The following PIEZO2 variants were observed in gnomAD, a reference collection of about 807,000 sequenced individuals.
The protein encoded by PIEZO2 is piezo-type mechanosensitive ion channel component 2.
In PIEZO2, 172 loss-of-function variants were observed where a neutral mutation model predicts 337.3. The observed-to-expected ratio is 0.51, with a 90% CI of 0.45 to 0.58. The LOEUF (loss-of-function observed/expected upper bound fraction) is 0.58. Among genes scored for constraint, PIEZO2 ranks in the 20% least tolerant of loss-of-function variants. The pLI is 0.00. For missense variants in PIEZO2, 3,028 were observed against 3,391.3 expected (o/e 0.89, Z 2.66); for synonymous variants, 1,251 against 1,228.5 (o/e 1.02, Z -0.38).
At chr18:10,971,741 C>A (rs866474603) in intron 3 of PIEZO2, among the ~76,000 whole-genome samples, 2 of 152,136 alleles carry the variant, frequency 1.3e-5, no homozygotes, top group African/African-American at 4.8e-5. Context: ...TTTATGTATC[C>A]TAATCATATC....
At chr18:10,786,948 C>G in intron 16 of PIEZO2, 88 bp downstream of exon 16, 1 of 1,268,644 alleles carries the variant, frequency 7.9e-7, no homozygotes, top group Non-Finnish European at 1.1e-6. Context: ...TGACATCATG[C>G]TTTACTAAAA....
rs181344592 is a variant in PIEZO2, at chr18:10,730,766, G to A, written c.5029+641C>T. 1.6e-3 allele frequency among the ~76,000 whole-genome samples: 241 copies of A among 152,004 alleles called. 2 individuals carry two copies. The highest frequency in any genetic ancestry group is 5.6e-3 in the African/African-American group (234 of 41,452). On this transcript the variant is annotated intron_variant, in intron 36 of 55. Coordinates refer to ENST00000674853, the MANE Select transcript of PIEZO2 (RefSeq NM_001378183.1). ...TTTTTAGACGGGGTCTCCCTCTGTC[G>A]CCCAGGCTGGAGTGCAGTGGTGCGA...
intron 3 of PIEZO2, among the ~76,000 whole-genome samples, chr18:10,927,195 T>TC (rs1333921565): frequency 2.0e-5 from 3 of 152,356 alleles, no homozygotes; most frequent in Non-Finnish European, 2.9e-5. Flanking sequence ...TTCAGATCTC[T>TC]CAGAGGTCAG....
chr18:11,050,805 A>ATATTATATATATATATATATATAT (rs1267873853), intron 2 of PIEZO2, among the ~76,000 whole-genome samples: 22 of 150,436 alleles, frequency 1.5e-4, no homozygotes, highest in Admixed American at 5.3e-4. Context: ...TATATATATA[A>ATATTATATATATATATATATATAT]AATTAATAAT....
intron 7 of PIEZO2, among the ~76,000 whole-genome samples, chr18:10,811,888 C>CAGTG (rs1165686722): frequency 6.6e-6 from 1 of 152,176 alleles, no homozygotes; most frequent in African/African-American, 2.4e-5. Context: ...GGCTGGAGTG[C>CAGTG]AGTGGTGCGA....
At chr18:10,822,801 T>C (rs1045621803) in intron 7 of PIEZO2, among the ~76,000 whole-genome samples, 1 of 152,186 alleles carries the variant, frequency 6.6e-6, no homozygotes, top group Non-Finnish European at 1.5e-5. Context: ...AAAGGGAGTA[T>C]GAACCAAAAG....
intron 49 of PIEZO2, among the ~76,000 whole-genome samples, chr18:10,686,235 A>G (rs2034540556): frequency 6.6e-6 from 1 of 152,242 alleles, no homozygotes; most frequent in Admixed American, 6.5e-5. Context: ...TGCAAAGATC[A>G]CTAGCAATCT....
chr18:10,805,604 T>C (rs1221864968), intron 8 of PIEZO2, among the ~76,000 whole-genome samples: 2 of 152,230 alleles, frequency 1.3e-5, no homozygotes, highest in African/African-American at 4.8e-5. Flanking sequence ...TGTGGAGGAA[T>C]TGGACACAAT....
chr18:11,093,268 C>A (rs560553162), intron 1 of PIEZO2, among the ~76,000 whole-genome samples: 3 of 152,218 alleles, frequency 2.0e-5, no homozygotes, highest in African/African-American at 7.2e-5. Flanking sequence ...CAAGCCAGAT[C>A]CCCAGCCAAC....
chr18:10,889,978 C>T (rs1334377827), intron 4 of PIEZO2, among the ~76,000 whole-genome samples: 3 of 152,212 alleles, frequency 2.0e-5, no homozygotes, highest in African/African-American at 4.8e-5. Flanking sequence ...TGGACCTTGG[C>T]TCCCCCAGCA....
chr18:11,124,037 C>T (rs2040110534), intron 1 of PIEZO2, among the ~76,000 whole-genome samples: 1 of 152,174 alleles, frequency 6.6e-6, no homozygotes, highest in South Asian at 2.1e-4. Context: ...ACCAAAAACA[C>T]ATACCATTTT....
chr18:10,869,484 C>T (rs934315097), intron 5 of PIEZO2, among the ~76,000 whole-genome samples: 1 of 152,110 alleles, frequency 6.6e-6, no homozygotes, highest in Admixed American at 6.6e-5. Flanking sequence ...AACAAACAAA[C>T]AAAAACTTGC....
chr18:10,856,592 A>T lies in PIEZO2; in HGVS notation c.703+409T>A, dbSNP rs1249571615. ...ATAGTCTATCCTGGAGAGTTATATT[A>T]AGGTGACTATGGACTCATGTAAGCA... is the stretch of plus-strand genomic sequence containing the variant. On this transcript the variant is annotated intron_variant, in intron 6 of 55. Transcript: ENST00000674853. The surrounding 1 kb of genome is among the most constrained non-coding windows in gnomAD (Gnocchi z 4.7). Among the ~76,000 whole-genome samples the T allele has an allele frequency of 1.3e-5, 2 of 152,218 alleles. No individual in the cohort carries two copies. Among genetic ancestry groups the T allele is most frequent in the Non-Finnish European group, 2.9e-5 (2 of 68,040 alleles).
intron 8 of PIEZO2, among the ~76,000 whole-genome samples, chr18:10,804,970 T>C (rs1254813749): frequency 6.6e-6 from 1 of 152,192 alleles, no homozygotes; most frequent in East Asian, 1.9e-4. Flanking sequence ...TCGTGATTTA[T>C]AACATTGCTG....
intron 1 of PIEZO2, among the ~76,000 whole-genome samples, chr18:11,081,480 A>G (rs147846843): frequency 0.014 from 2,181 of 152,296 alleles, 50 homozygotes; most frequent in African/African-American, 0.049. Flanking sequence ...TAAACCATGT[A>G]TAATTTTTTT....
At chr18:10,702,797 C>G (rs1324583017) in intron 42 of PIEZO2, among the ~76,000 whole-genome samples, 1 of 152,208 alleles carries the variant, frequency 6.6e-6, no homozygotes, top group African/African-American at 2.4e-5. Context: ...CCACTTACTT[C>G]AGTCCTCAGT....
chr18:10,699,265 T>C lies in PIEZO2; in HGVS notation c.6442-88A>G, dbSNP rs953109653. ...TCTTACAAAATCTCATCCAACAAAC[T>C]GTCCTTCAAGATTAGAAAAGCAAGA... is the stretch of plus-strand genomic sequence containing the variant. On this transcript the variant is annotated intron_variant, in intron 43 of 55. Transcript: ENST00000674853. 4.0e-6 allele frequency: 6 copies of C among 1,487,386 alleles called. No individual in the cohort carries two copies. The African/African-American group carries it at 5.6e-5, about 14-fold the overall frequency. The allele number at this position is 1,487,386 out of a possible 1,614,324, so 92.1% of individuals were successfully genotyped here.
chr18:10,725,414 C>T, intron 36 of PIEZO2: 1 of 1,602,942 alleles, frequency 6.2e-7, no homozygotes. Flanking sequence ...TCAACCTGAC[C>T]AGAGCCCGCC....
chr18:10,759,846 C>T lies in PIEZO2; in HGVS notation c.3514G>A (p.Ala1172Thr), dbSNP rs1441492033. 12 of 1,537,352 alleles carry T rather than the reference C, an allele frequency of 7.8e-6. No individual in the cohort carries two copies. Among genetic ancestry groups the T allele is most frequent in the South Asian group, 1.2e-5 (1 of 84,048 alleles). The change falls in exon 25 of 56, where the codon GCC becomes ACC. Residue 1172 changes from alanine to threonine, a missense_variant. By Grantham distance (58) the Ala-to-Thr change is moderately conservative. This residue lies in a region of PIEZO2 where 1,925 missense variants were observed against 2,051.9 expected (regional missense o/e 0.94). Transcript: ENST00000674853. This position sits in a 1 kb window ranked among gnomAD's most constrained non-coding sequence, Gnocchi z 5.5. ...TATAAGACAGCGATCAGCCAGCAGGCGTGGATCATGGCATAGAAATCCATT... is the reference window on the plus strand; with the variant it reads ...TATAAGACAGCGATCAGCCAGCAGGTGTGGATCATGGCATAGAAATCCATT... ...QRMDFYAMIH[A>T]CWLIAVLYRR...
Sources: gnomAD v4.1 joint callset for allele counts (sites outside exome capture counted in the v4.1 genomes callset) on GRCh38, gnomAD v4.1.1 for gene constraint, gnomAD v4.1.1 regional missense constraint, Gnocchi (gnomAD v3.1) non-coding constraint, MANE v1.5 for transcripts, NCBI Gene and HGNC (gene_info 2026-07-23, HGNC 2026-07-21) for gene names.